TRMT11: variants seen among roughly 807,000 people sequenced by gnomAD.
TRMT11 encodes tRNA (guanine(10)-N(2))-methyltransferase TRMT11.
TRMT11 carries 53 observed loss-of-function variants against 62.8 expected under a neutral mutation model. The ratio of observed to expected loss-of-function variants is 0.84; its 90% CI spans 0.68 to 1.06. The LOEUF (loss-of-function observed/expected upper bound fraction) is 1.06. TRMT11 is among the 50% of genes least tolerant of loss of function. The pLI is 0.00. For missense variants in TRMT11, 556 were observed against 553.4 expected (o/e 1.00, Z -0.05); for synonymous variants, 188 against 190.3 (o/e 0.99, Z 0.10).
At chr6:126,047,394 A>G (rs536221994) in intron 16 of TRMT11, among the ~76,000 whole-genome samples, 3 of 151,844 alleles carry the variant, frequency 2.0e-5, no homozygotes, top group Non-Finnish European at 4.4e-5. Context: ...AGATGGTTGG[A>G]GAGGAGATTG....
the TRMT11 span, among the ~76,000 whole-genome samples, chr6:126,269,072 TAA>T: frequency 3.3e-5 from 5 of 150,704 alleles, no homozygotes; most frequent in South Asian, 6.3e-4. Flanking sequence ...CCATCCCGGC[TAA>T]AAAATGGTGA....
At chr6:126,136,374 A>T (rs771514623) in intron 21 of TRMT11, among the ~76,000 whole-genome samples, 2 of 151,704 alleles carry the variant, frequency 1.3e-5, no homozygotes, top group African/African-American at 2.4e-5. Flanking sequence ...GCCAACAGAG[A>T]TCTATCTGAA....
At chr6:126,263,000 A>G in the TRMT11 span, among the ~76,000 whole-genome samples, 1 of 150,762 alleles carries the variant, frequency 6.6e-6, no homozygotes, top group Non-Finnish European at 1.5e-5. Context: ...CACTCCTCCC[A>G]TTTCATTTTT....
At chr6:126,247,445 CTAT>C in the TRMT11 span, among the ~76,000 whole-genome samples, 1 of 77,986 alleles carries the variant, frequency 1.3e-5, no homozygotes, top group Non-Finnish European at 3.1e-5. Context: ...CAGAACATAT[CTAT>C]CTATCTATCT....
chr6:126,104,830 GTTC>G (rs1266886713), intron 17 of TRMT11, among the ~76,000 whole-genome samples: 1 of 152,084 alleles, frequency 6.6e-6, no homozygotes, highest in Non-Finnish European at 1.5e-5. Context: ...TTTCTATCGA[GTTC>G]TTCTTTTTTC....
intron 21 of TRMT11, among the ~76,000 whole-genome samples, chr6:126,127,480 C>T (rs940917661): frequency 6.6e-6 from 1 of 151,694 alleles, no homozygotes; most frequent in African/African-American, 2.4e-5. Context: ...GAAGAGCCAT[C>T]CAAATCTTTT....
chr6:126,105,812 G>C (rs969959998), intron 17 of TRMT11, among the ~76,000 whole-genome samples: 6 of 152,140 alleles, frequency 3.9e-5, no homozygotes, highest in African/African-American at 1.4e-4. Context: ...CCTGATTCTT[G>C]TCTGTGAGGT....
intron 17 of TRMT11, among the ~76,000 whole-genome samples, chr6:126,100,949 AGATGCCTTCTAT>A (rs1438666537): frequency 6.6e-6 from 1 of 152,140 alleles, no homozygotes; most frequent in Non-Finnish European, 1.5e-5. Flanking sequence ...CATGCAACCT[AGATGCCTTCTAT>A]GCACGGTTCA....
chr6:126,012,665 T>A (rs1389210610), intron 9 of TRMT11, 106 bp from the exon 10 acceptor site: 5 of 728,444 alleles, frequency 6.9e-6, no homozygotes, highest in Middle Eastern at 4.8e-4. Context: ...ATTGGTGATG[T>A]TGTGTTCTTC....
At chr6:126,175,652 T>C (rs1435607086), upstream of TRMT11, among the ~76,000 whole-genome samples, 1 of 152,200 alleles carries the variant, frequency 6.6e-6, no homozygotes, top group Non-Finnish European at 1.5e-5. Context: ...CCTTTCATCC[T>C]TTCACAAACC....
chr6:126,064,979 G>C (rs1057076898), intron 17 of TRMT11, among the ~76,000 whole-genome samples: 2 of 152,098 alleles, frequency 1.3e-5, no homozygotes, highest in Non-Finnish European at 2.9e-5. Flanking sequence ...TTTTACTTTA[G>C]ATGTGTGAGC....
chr6:126,187,646 A>T (rs1778541805), intron 1 of TRMT11, among the ~76,000 whole-genome samples: 1 of 152,036 alleles, frequency 6.6e-6, no homozygotes, highest in Non-Finnish European at 1.5e-5. Context: ...TTGAAATTCA[A>T]AGAATCTAGC....
intron 7 of TRMT11, among the ~76,000 whole-genome samples, chr6:126,003,889 C>T (rs1473229617): frequency 1.3e-5 from 2 of 152,060 alleles, no homozygotes; most frequent in African/African-American, 4.8e-5. Flanking sequence ...GTTTTCCCCA[C>T]ACTCAAGTTA....
At chr6:126,269,647 T>G in the TRMT11 span, among the ~76,000 whole-genome samples, 3 of 152,202 alleles carry the variant, frequency 2.0e-5, no homozygotes, top group African/African-American at 7.2e-5. Flanking sequence ...CAAATAGTTA[T>G]AAATGTCTAA....
chr6:126,156,673 G>T (rs1778125779), intron 21 of TRMT11, among the ~76,000 whole-genome samples: 1 of 152,208 alleles, frequency 6.6e-6, no homozygotes, highest in Admixed American at 6.5e-5. Flanking sequence ...CGTCATGGTG[G>T]AAGGTGAAGG....
At chr6:126,012,259 T>C (rs946301752) in intron 9 of TRMT11, among the ~76,000 whole-genome samples, 13 of 152,198 alleles carry the variant, frequency 8.5e-5, no homozygotes, top group Non-Finnish European at 1.8e-4. Context: ...TTATATAAAA[T>C]ACATTTTTTT....
intron 17 of TRMT11, among the ~76,000 whole-genome samples, chr6:126,093,631 A>ATT (rs145963759): frequency 1.0e-5 from 1 of 98,016 alleles, no homozygotes; most frequent in East Asian, 3.0e-4. Context: ...ATATATATAT[A>ATT]TTTTCCCCCA....
intron 17 of TRMT11, among the ~76,000 whole-genome samples, chr6:126,103,069 A>G (rs1041151456): frequency 2.0e-5 from 3 of 152,108 alleles, no homozygotes; most frequent in Non-Finnish European, 4.4e-5. Context: ...AGCAGGCTCT[A>G]TTTATCCTGC....
chr6:126,101,239 G>A (rs191470860), intron 17 of TRMT11, among the ~76,000 whole-genome samples: 3 of 152,258 alleles, frequency 2.0e-5, no homozygotes, highest in African/African-American at 4.8e-5. Context: ...GGAGATAGTC[G>A]AGGGGGCAGT....
Sources: gnomAD v4.1 joint callset for allele counts (sites outside exome capture counted in the v4.1 genomes callset) on GRCh38, gnomAD v4.1.1 for gene constraint, MANE v1.5 for transcripts, NCBI Gene and HGNC (gene_info 2026-07-23, HGNC 2026-07-21) for gene names.